IQCJ: variants seen among roughly 807,000 people sequenced by gnomAD.
IQCJ encodes IQ motif containing J.
In IQCJ, 9 loss-of-function variants were observed where a neutral mutation model predicts 11.0. That is an observed-to-expected ratio of 0.82 (90% CI 0.49 to 1.43). IQCJ has a LOEUF of 1.43. Ranked by LOEUF, IQCJ falls within the 40% of genes most tolerant of loss-of-function variation. The pLI is 0.00. For missense variants in IQCJ, 146 were observed against 133.2 expected, an observed-to-expected ratio of 1.10 and a Z score of -0.47; for synonymous variants, 55 against 51.3, an observed-to-expected ratio of 1.07 and a Z score of -0.31.
intron 1 of IQCJ, among the ~76,000 whole-genome samples, chr3:159,121,302 C>A (rs13326298): frequency 6.6e-6 from 1 of 151,646 alleles, no homozygotes; most frequent in South Asian, 2.1e-4. Context: ...CCCGGCTAAT[C>A]AAAAAAATTT....
chr3:159,218,616 G>A (rs996701179), intron 1 of IQCJ, among the ~76,000 whole-genome samples: 14 of 152,082 alleles, frequency 9.2e-5, no homozygotes, highest in African/African-American at 3.4e-4. Context: ...CCAGGGCTGG[G>A]GAAGATTTGA....
At chr3:159,264,909 AC>A (rs67543136), downstream of IQCJ, among the ~76,000 whole-genome samples, 21,401 of 147,818 alleles carry the variant, frequency 0.14, 1,716 homozygotes, top group Middle Eastern at 0.21. Context: ...AGAGGGGAAA[AC>A]AAAAAAAAAA....
intron 1 of IQCJ, among the ~76,000 whole-genome samples, chr3:159,184,858 G>C (rs1161114631): frequency 6.6e-6 from 1 of 152,130 alleles, no homozygotes; most frequent in African/African-American, 2.4e-5. Context: ...AAATTTAAGA[G>C]GGCTGAGGAA....
intron 1 of IQCJ, among the ~76,000 whole-genome samples, chr3:159,151,425 A>G (rs914883432): frequency 6.6e-6 from 1 of 152,036 alleles, no homozygotes; most frequent in Non-Finnish European, 1.5e-5. Flanking sequence ...GTTCTCTCCA[A>G]CTGAGTTCTT....
At chr3:159,085,070 C>G (rs1371692457) in intron 1 of IQCJ, among the ~76,000 whole-genome samples, 3 of 151,888 alleles carry the variant, frequency 2.0e-5, no homozygotes, top group African/African-American at 4.8e-5. Context: ...CTCCCCTCTC[C>G]CCCCACCCCA....
At chr3:159,226,958 T>A (rs966671910) in intron 1 of IQCJ, among the ~76,000 whole-genome samples, 1 of 152,202 alleles carries the variant, frequency 6.6e-6, no homozygotes, top group Non-Finnish European at 1.5e-5. Context: ...AATTTGCTTT[T>A]GTTTGTGGAG....
intron 1 of IQCJ, among the ~76,000 whole-genome samples, chr3:159,112,854 T>C (rs1362622871): frequency 6.6e-6 from 1 of 151,976 alleles, no homozygotes; most frequent in Non-Finnish European, 1.5e-5. Context: ...TGGAGAAAAA[T>C]GGAAAGAAAT....
chr3:159,090,346 GCAGAAAT>G (rs1210078692), intron 1 of IQCJ, among the ~76,000 whole-genome samples: 1 of 151,820 alleles, frequency 6.6e-6, no homozygotes, highest in East Asian at 1.9e-4. Flanking sequence ...AGATGGAAAT[GCAGAAAT>G]CACCCGTCTT....
intron 2 of IQCJ, among the ~76,000 whole-genome samples, chr3:159,250,899 T>G (rs1013201487): frequency 1.3e-5 from 2 of 152,224 alleles, no homozygotes; most frequent in African/African-American, 4.8e-5. Context: ...TGTGTAATGT[T>G]CATGTTCTCC....
chr3:159,111,016 G>A (rs1433748824), intron 1 of IQCJ, among the ~76,000 whole-genome samples: 2 of 152,206 alleles, frequency 1.3e-5, no homozygotes, highest in Admixed American at 6.5e-5. Context: ...AACCTTATTG[G>A]TGTGGCTTTG....
chr3:159,242,887 A>T (rs1727019903), intron 1 of IQCJ, among the ~76,000 whole-genome samples: 1 of 152,216 alleles, frequency 6.6e-6, no homozygotes, highest in Non-Finnish European at 1.5e-5. Flanking sequence ...ATTGGGAAGA[A>T]ATATTAGCAA....
intron 1 of IQCJ, among the ~76,000 whole-genome samples, chr3:159,224,942 GA>G (rs1016494384): frequency 1.3e-5 from 2 of 152,072 alleles, no homozygotes; most frequent in Non-Finnish European, 2.9e-5. Flanking sequence ...TTGCTCATTA[GA>G]AAATAAAATA....
At chr3:159,147,859 A>T (rs920435892) in intron 1 of IQCJ, among the ~76,000 whole-genome samples, 1 of 152,220 alleles carries the variant, frequency 6.6e-6, no homozygotes, top group African/African-American at 2.4e-5. Context: ...AAGGATACTA[A>T]CTACAGCAAG....
chr3:159,218,066 T>G (rs1449511308), intron 1 of IQCJ, among the ~76,000 whole-genome samples: 1 of 151,480 alleles, frequency 6.6e-6, no homozygotes, highest in Non-Finnish European at 1.5e-5. Context: ...TAGCAAACAC[T>G]TATGTACATG....
At chr3:159,094,448 T>C (rs551611755) in intron 1 of IQCJ, among the ~76,000 whole-genome samples, 1 of 104,302 alleles carries the variant, frequency 9.6e-6, no homozygotes, top group Non-Finnish European at 2.0e-5. Context: ...TTTTTTTTTT[T>C]ACTATTGGAA....
chr3:159,182,144 A>G (rs1300387774), intron 1 of IQCJ, among the ~76,000 whole-genome samples: 1 of 151,808 alleles, frequency 6.6e-6, no homozygotes, highest in Non-Finnish European at 1.5e-5. Flanking sequence ...CTTTTTAAAA[A>G]TATTCTCTCC....
chr3:159,259,124 G>T (rs2108229880), intron 3 of IQCJ, among the ~76,000 whole-genome samples: 1 of 152,222 alleles, frequency 6.6e-6, no homozygotes, highest in Non-Finnish European at 1.5e-5. Context: ...GACTGCACTG[G>T]CTGTGAGTCC....
At chr3:159,254,671 C>T (rs757579998) in intron 3 of IQCJ, among the ~76,000 whole-genome samples, 42 of 152,050 alleles carry the variant, frequency 2.8e-4, no homozygotes, top group Non-Finnish European at 1.8e-4. Flanking sequence ...CTGCTTCCTT[C>T]CTTTCCCTCT....
intron 1 of IQCJ, among the ~76,000 whole-genome samples, chr3:159,216,156 C>T (rs1217064083): frequency 6.6e-6 from 1 of 151,970 alleles, no homozygotes; most frequent in African/African-American, 2.4e-5. Flanking sequence ...ACTCTTCCCT[C>T]CTGTTAACTC....
Sources: gnomAD v4.1 joint callset for allele counts (sites outside exome capture counted in the v4.1 genomes callset) on GRCh38, gnomAD v4.1.1 for gene constraint, MANE v1.5 for transcripts, NCBI Gene and HGNC (gene_info 2026-07-23, HGNC 2026-07-21) for gene names.